CLPB: variants seen among roughly 807,000 people sequenced by gnomAD.
CLPB encodes ClpB family mitochondrial disaggregase.
CLPB carries 40 observed loss-of-function variants against 78.4 expected under a neutral mutation model. The ratio of observed to expected loss-of-function variants is 0.51; its 90% CI spans 0.40 to 0.66. The LOEUF is 0.66. Among genes scored for constraint, CLPB ranks in the 30% least tolerant of loss-of-function variants. The pLI is 0.00. For synonymous variants in CLPB, 333 were observed against 348.0 expected (o/e 0.96, Z 0.48); for missense variants, 780 against 886.9 (o/e 0.88, Z 1.53).
Position 72,302,346 on chromosome 11 carries a change from G to A in CLPB, c.1125C>T (p.Gly375=). The A allele has an allele frequency of 1.2e-6, 2 of 1,614,084 alleles. No homozygotes were observed. The highest frequency in any genetic ancestry group is 2.2e-5 in the South Asian group (2 of 91,072). Residue 375 remains glycine, a splice_region_variant and synonymous_variant, in exon 10 of 16, where the codon GGC becomes GGT. Coordinates refer to ENST00000538039, the MANE Select transcript of CLPB (RefSeq NM_001258392.3). ...ACTCGGACATGTCCAGCCTGATGAA[G>A]CCCTGTGTGGAAACAAGCAAGTACC... ...AKYMHKDAKK[G]FIRLDMSEFQ...
Position 72,291,364 on chromosome 11 carries a change from G to C in CLPB, c.*2003C>G, listed in dbSNP as rs1319322304. 1 of 152,232 alleles carries C rather than the reference G, an allele frequency of 6.6e-6. No individual in the cohort carries two copies. The highest frequency in any genetic ancestry group is 1.5e-5 in the Non-Finnish European group (1 of 68,076). The allele number at this position is 152,232 out of a possible 1,614,324, so 9.4% of individuals were successfully genotyped here. On this transcript the variant is annotated 3_prime_UTR_variant, in exon 16 of 16. Transcript: ENST00000538039. ...ACTCTGTCGCCCAGGCTGGAGTGCA[G>C]TGGCGTGATTTCAGCTCACTGCAAC...
Position 72,295,551 on chromosome 11 carries a change from G to A in CLPB, c.1427C>T (p.Ala476Val). 1.2e-6 allele frequency: 2 copies of A among 1,614,196 alleles called. No homozygotes were observed. Among genetic ancestry groups the A allele is most frequent in the Non-Finnish European group, 1.7e-6 (2 of 1,180,038 alleles). Residue 476 changes from alanine to valine, a missense_variant, in exon 12 of 16, where the codon GCG (alanine) becomes GTG (valine). Around this residue, in one of 3 missense-constraint regions of CLPB, gnomAD observed 272 missense variants for 304.0 expected, o/e 0.89. Transcript: ENST00000538039. ...CAAAGCTTCCTGCCTCAGCTGCAGC[G>A]CGTGCTGTGCGATCTCGTCGCTGGC... The part of the protein sequence containing the change: ...NVASDEIAQH[A>V]LQLRQEALEM...
chr11:72,332,320 T>TAAAA (rs551043381), intron 5 of CLPB, among the ~76,000 whole-genome samples: 1 of 112,134 alleles, frequency 8.9e-6, no homozygotes. Flanking sequence ...CCATCTCTAC[T>TAAAA]AAAAAAAAAA....
Position 72,287,818 on chromosome 11 carries a change from T to C in CLPB, c.*5549A>G, listed in dbSNP as rs1330364250. 6.6e-6 allele frequency: 1 copy of C among 152,172 alleles called. No homozygotes were observed. Among genetic ancestry groups the C allele is most frequent in the African/African-American group, 2.4e-5 (1 of 41,428 alleles). The allele number at this position is 152,172 out of a possible 1,614,324, so 9.4% of individuals were successfully genotyped here. On this transcript the variant is annotated 3_prime_UTR_variant, in exon 16 of 16. Transcript: ENST00000538039. Reference sequence around the variant, plus strand: ...TTGCCATAGAGTTCTATTCTTCTTCTCAATTCCTCAATATATATGGTTATG... The same window carrying C: ...TTGCCATAGAGTTCTATTCTTCTTCCCAATTCCTCAATATATATGGTTATG...
chr11:72,327,316 T>C (rs1181574371), intron 6 of CLPB, among the ~76,000 whole-genome samples: 2 of 152,228 alleles, frequency 1.3e-5, no homozygotes, highest in Non-Finnish European at 2.9e-5. Flanking sequence ...CTTTCTCTCA[T>C]GGCATAGTTC....
intron 3 of CLPB, among the ~76,000 whole-genome samples, chr11:72,386,310 A>T (rs1855075846): frequency 6.6e-6 from 1 of 152,134 alleles, no homozygotes; most frequent in Admixed American, 6.6e-5. Context: ...TCCTTTGCCC[A>T]TCTTTCTCTT....
Position 72,308,565 on chromosome 11 carries a change from T to C in CLPB, c.1028A>G (p.His343Arg), listed in dbSNP as rs748442345. The change falls in exon 8 of 16, where the codon CAC (histidine) becomes CGC (arginine). Residue 343 changes from histidine (H) to arginine (R), a missense_variant. His to Arg is a conservative substitution (Grantham distance 29). Transcript: ENST00000538039. ...RKENGWYDEE[H>R]PLVFLFLGSS... ...TCCCAAGAAGAGGAAGACCAGAGGG[T>C]GTTCTTCATCGTACCAGCCATTCTC... 1 of 1,614,074 alleles carries C rather than the reference T, an allele frequency of 6.2e-7. No individual in the cohort carries two copies. The highest frequency in any genetic ancestry group is 1.1e-5 in the South Asian group (1 of 91,062).
At position 72,317,222 on chromosome 11, in the gene CLPB, T is replaced by C. The variant is rs1590786345; in HGVS notation, c.874-2A>G. 7 of 1,605,484 alleles carry C rather than the reference T, an allele frequency of 4.4e-6. No homozygotes were observed. Among genetic ancestry groups the C allele is most frequent in the Non-Finnish European group, 6.0e-6 (7 of 1,176,152 alleles). On this transcript the variant is annotated splice_acceptor_variant, in intron 6 of 15. Transcript: ENST00000538039. LOFTEE classifies it high-confidence loss of function. ...ACGCTTCCGCTGCTTCTCTTGGTAC[T>C]GTGGGGAGAGAGGGCAAATGGTTGA...
At chr11:72,340,282 T>G (rs1950396910) in intron 5 of CLPB, among the ~76,000 whole-genome samples, 1 of 152,210 alleles carries the variant, frequency 6.6e-6, no homozygotes, top group Non-Finnish European at 1.5e-5. Flanking sequence ...TGGCTGCCTT[T>G]GGATGGAGGA....
intron 1 of CLPB, among the ~76,000 whole-genome samples, chr11:72,432,673 C>T (rs1289213698): frequency 6.6e-6 from 1 of 152,218 alleles, no homozygotes; most frequent in Non-Finnish European, 1.5e-5. Context: ...GCTCGATGCC[C>T]TTAGTGTCTA....
intron 2 of CLPB, among the ~76,000 whole-genome samples, chr11:72,421,571 G>GC (rs1287115198): frequency 6.6e-6 from 1 of 152,152 alleles, no homozygotes; most frequent in African/African-American, 2.4e-5. Context: ...TACAGTGGAG[G>GC]CCCCCGAGGA....
rs147481299 is a variant in CLPB at position 72,431,009 on chromosome 11, G to T, written c.404-646C>A. Among the ~76,000 whole-genome samples, 423 of 152,298 alleles carry T rather than the reference G, an allele frequency of 2.8e-3. 2 individuals carry two copies. The highest frequency in any genetic ancestry group is 9.5e-3 in the African/African-American group (393 of 41,544). On this transcript the variant is annotated intron_variant, in intron 1 of 15. Transcript: ENST00000538039. The stretch of plus-strand genomic sequence containing the variant: ...CCTGCCAGCTTCACAAGGATGTCAA[G>T]GAGATGAAATGACAGTTGAGACGTC...
At chr11:72,399,709 T>C (rs553414335) in intron 3 of CLPB, among the ~76,000 whole-genome samples, 37 of 152,284 alleles carry the variant, frequency 2.4e-4, no homozygotes, top group African/African-American at 8.7e-4. Context: ...GCTGCCTACA[T>C]CCTAAAGGAG....
At chr11:72,339,926 G>A (rs2135568415) in intron 5 of CLPB, among the ~76,000 whole-genome samples, 1 of 152,350 alleles carries the variant, frequency 6.6e-6, no homozygotes, top group South Asian at 2.1e-4. Context: ...CTGTGAGAAT[G>A]TAAGTGTACA....
intron 7 of CLPB, among the ~76,000 whole-genome samples, chr11:72,311,293 G>A (rs1949841228): frequency 1.3e-5 from 2 of 152,136 alleles, no homozygotes; most frequent in Non-Finnish European, 2.9e-5. Context: ...ACCTGCATGG[G>A]CCCACGTGGG....
intron 3 of CLPB, among the ~76,000 whole-genome samples, chr11:72,400,957 CTCGGAT>C (rs1357864620): frequency 6.6e-6 from 1 of 152,156 alleles, no homozygotes; most frequent in East Asian, 1.9e-4. Flanking sequence ...TCCCCAAGGT[CTCGGAT>C]TCTGCAAACA....
At chr11:72,342,417 C>T (rs541564086) in intron 5 of CLPB, among the ~76,000 whole-genome samples, 1 of 152,272 alleles carries the variant, frequency 6.6e-6, no homozygotes, top group South Asian at 2.1e-4. Flanking sequence ...CTCTGAATAG[C>T]ATGTGACACA....
In CLPB at chr11:72,380,610, G is replaced by A. The variant is rs1388386523; in HGVS notation, c.543-226C>T. On this transcript the variant is annotated intron_variant, in intron 3 of 15. Coordinates refer to ENST00000538039, the MANE Select transcript of CLPB (RefSeq NM_001258392.3). Reference sequence around the variant, plus strand: ...CTAATGACTGTAATCCCAGCACTTTGGGAGAATTACTTGAGTCCGGGAGTT... The same window carrying A: ...CTAATGACTGTAATCCCAGCACTTTAGGAGAATTACTTGAGTCCGGGAGTT... Among the ~76,000 whole-genome samples the A allele has an allele frequency of 2.6e-4, 40 of 152,132 alleles. 2 individuals carry two copies. Among genetic ancestry groups the A allele is most frequent in the Admixed American group, 2.6e-3 (39 of 15,278 alleles).
intron 1 of CLPB, among the ~76,000 whole-genome samples, chr11:72,431,924 C>T (rs1856555831): frequency 6.6e-6 from 1 of 152,204 alleles, no homozygotes; most frequent in African/African-American, 2.4e-5. Context: ...GGTATTCTTG[C>T]TGGAGTTCAT....
Sources: gnomAD v4.1 joint callset for allele counts (sites outside exome capture counted in the v4.1 genomes callset) on GRCh38, gnomAD v4.1.1 for gene constraint, gnomAD v4.1.1 regional missense constraint, MANE v1.5 for transcripts, NCBI Gene and HGNC (gene_info 2026-07-23, HGNC 2026-07-21) for gene names.